The following ENC1 variants were observed in gnomAD, a reference collection of about 807,000 sequenced individuals.
ENC1 encodes ectodermal-neural cortex 1.
A neutral mutation model predicts 40.9 loss-of-function variants in ENC1; 19 were observed. The ratio of observed to expected loss-of-function variants is 0.46; its 90% confidence interval spans 0.32 to 0.68. ENC1 has a LOEUF of 0.68. Ranked by LOEUF, ENC1 falls within the 30% of genes least tolerant of loss-of-function variation. The pLI, the probability that ENC1 is intolerant of heterozygous loss-of-function variation, is 0.03. For synonymous variants in ENC1, 285 were observed against 291.1 expected (o/e 0.98, Z 0.21); for missense variants, 479 against 737.5 (o/e 0.65, Z 4.06).
At chr5:74,632,782 C>T (rs972782655) in intron 2 of ENC1, among the ~76,000 whole-genome samples, 2 of 152,246 alleles carry the variant, frequency 1.3e-5, no homozygotes, top group East Asian at 1.9e-4. Context: ...ACCCAGGAGG[C>T]GGAGGTTGCA....
chr5:74,635,492 C>G lies in ENC1; in HGVS notation c.994G>C (p.Glu332Gln). 1 of 1,614,206 alleles carries G rather than the reference C, an allele frequency of 6.2e-7. No individual in the cohort carries two copies. Among genetic ancestry groups the G allele is most frequent in the Non-Finnish European group, 8.5e-7 (1 of 1,180,038 alleles). ...CAGCCAATCGCACATGCACTAAACTCTTTTCTTGGGCTGGGAATGTCAGCC... is the reference window on the plus strand; with the variant it reads ...CAGCCAATCGCACATGCACTAAACTGTTTTCTTGGGCTGGGAATGTCAGCC... ...PKADIPSPRK[E>Q]FSACAIGCKV... The change falls in exon 2 of 3, where the codon GAG becomes CAG. Residue 332 changes from glutamate to glutamine, a missense_variant. Coordinates refer to ENST00000302351, the MANE Select transcript of ENC1 (RefSeq NM_003633.4). This position sits in a 1 kb window ranked among gnomAD's most constrained non-coding sequence, Gnocchi z 5.5.
At chr5:74,639,220 C>G (rs1561195251) in intron 1 of ENC1, among the ~76,000 whole-genome samples, 3 of 152,342 alleles carry the variant, frequency 2.0e-5, no homozygotes, top group African/African-American at 2.4e-5. Context: ...TGGTTTAAAA[C>G]TGTGCAAACC....
chr5:74,637,254 T>C (rs982644817), intron 1 of ENC1, among the ~76,000 whole-genome samples: 6 of 152,178 alleles, frequency 3.9e-5, no homozygotes, highest in African/African-American at 1.4e-4. Context: ...TAGCTGGCAC[T>C]AAAGGTGTGC....
Position 74,635,216 on chromosome 5 carries a change from A to G in ENC1, c.1270T>C (p.Trp424Arg). The G allele has an allele frequency of 6.2e-7, 1 of 1,614,138 alleles. No individual in the cohort carries two copies. Among genetic ancestry groups the G allele is most frequent in the Non-Finnish European group, 8.5e-7 (1 of 1,180,034 alleles). The stretch of plus-strand genomic sequence containing the variant: ...TCTCGGAGTGGGGCCACCATGGTCC[A>G]TTTGTTGATTGTGGGGTCATAATGT... ...VEHYDPTINK[W>R]TMVAPLREGV... The change falls in exon 2 of 3, where the codon TGG becomes CGG. Residue 424 changes from tryptophan (W) to arginine (R), a missense_variant. By Grantham distance (101) the Trp-to-Arg change is moderately radical. Transcript: ENST00000302351. The surrounding 1 kb of genome is among the most constrained non-coding windows in gnomAD (Gnocchi z 5.5).
intron 1 of ENC1, chr5:74,639,926 C>T (rs1747780398): frequency 6.6e-6 from 1 of 152,328 alleles, no homozygotes; most frequent in Admixed American, 6.5e-5. Flanking sequence ...GTGGGCCAAC[C>T]ATCCCGCGCG....
At chr5:74,638,488 C>A (rs966379802) in intron 1 of ENC1, among the ~76,000 whole-genome samples, 2 of 152,142 alleles carry the variant, frequency 1.3e-5, no homozygotes, top group Non-Finnish European at 1.5e-5. Flanking sequence ...CTTTACAAAG[C>A]ACCCAGTAAT....
At chr5:74,638,213 A>G (rs1323886869) in intron 1 of ENC1, among the ~76,000 whole-genome samples, 2 of 152,218 alleles carry the variant, frequency 1.3e-5, no homozygotes, top group Non-Finnish European at 2.9e-5. Flanking sequence ...TGCATATTCT[A>G]AGAATTATTA....
intron 2 of ENC1, among the ~76,000 whole-genome samples, chr5:74,633,337 C>T (rs909316334): frequency 1.3e-5 from 2 of 152,170 alleles, no homozygotes; most frequent in African/African-American, 4.8e-5. Flanking sequence ...CTATTATGTA[C>T]TCAGATATAT....
rs775376039 is a variant in ENC1 at position 74,636,494 on chromosome 5, C to T, written c.-9G>A. On this transcript the variant is annotated 5_prime_UTR_variant, in exon 2 of 3. Coordinates refer to ENST00000302351, the MANE Select transcript of ENC1 (RefSeq NM_003633.4). The surrounding 1 kb of genome is among the most constrained non-coding windows in gnomAD (Gnocchi z 4.8). ...TGCACACTGACTGACATTTTGTTTCCACTCCTAAAAATAATAATAATAATA... is the reference window on the plus strand; with the variant it reads ...TGCACACTGACTGACATTTTGTTTCTACTCCTAAAAATAATAATAATAATA... 6 of 1,527,066 alleles carry T rather than the reference C, an allele frequency of 3.9e-6. No individual in the cohort carries two copies. The South Asian group carries it at 4.6e-5, about 12-fold the overall frequency. The allele number at this position is 1,527,066 out of a possible 1,614,324, so 94.6% of individuals were successfully genotyped here.
At chr5:74,639,529 C>G (rs3776478) in intron 1 of ENC1, among the ~76,000 whole-genome samples, 1 of 152,144 alleles carries the variant, frequency 6.6e-6, no homozygotes, top group Non-Finnish European at 1.5e-5. Context: ...GGTTTTGAAC[C>G]TGATCTCAAT....
At chr5:74,634,399 G>A (rs761667632) in intron 2 of ENC1, among the ~76,000 whole-genome samples, 5 of 151,990 alleles carry the variant, frequency 3.3e-5, no homozygotes, top group South Asian at 2.1e-4. Flanking sequence ...GTGACAGAGC[G>A]AGACTCTGTC....
Position 74,628,164 on chromosome 5 carries a change from A to G in ENC1, c.*1861T>C, listed in dbSNP as rs536709495. The G allele has an allele frequency of 1.3e-5, 2 of 152,658 alleles. No individual in the cohort carries two copies. Among genetic ancestry groups the G allele is most frequent in the Non-Finnish European group, 2.9e-5 (2 of 68,056 alleles). 9.5% of individuals were successfully genotyped at this position (152,658 alleles called of 1,614,324 possible). ...AACCAGGGACTGACTGCTGGAAAGT[A>G]CTGTGATTCTTTTCTTCCAACAGCT... On this transcript the variant is annotated 3_prime_UTR_variant, in exon 3 of 3. Coordinates refer to ENST00000302351, the MANE Select transcript of ENC1 (RefSeq NM_003633.4).
Position 74,637,536 on chromosome 5 carries a change from TA to T in ENC1, c.-13-1039del, listed in dbSNP as rs949600801. The T allele has an allele frequency of 3.2e-4, 48 of 152,210 alleles. 1 individual carries two copies. Among genetic ancestry groups the T allele is most frequent in the Admixed American group, 1.0e-3 (16 of 15,282 alleles). 9.4% of individuals were successfully genotyped at this position (152,210 alleles called of 1,614,324 possible). On this transcript the variant is annotated intron_variant, in intron 1 of 2. Transcript: ENST00000302351. ...GCTTCCAATGTGAGGATTTGGCACATAAAAAGAAGAATATTTTGAGTAGCAT... is the reference window on the plus strand; with the variant it reads ...GCTTCCAATGTGAGGATTTGGCACATAAAAGAAGAATATTTTGAGTAGCAT...
rs980966515 is a variant in ENC1, at chr5:74,627,586, A to G, written c.*2439T>C. On this transcript the variant is annotated 3_prime_UTR_variant, in exon 3 of 3. Coordinates refer to ENST00000302351, the MANE Select transcript of ENC1 (RefSeq NM_003633.4). ...GTGAACCACATGGTCAATAGCCAAG[A>G]GAGGGACATTATGCAGCTCTAATCA... The G allele has an allele frequency of 1.3e-5, 2 of 152,652 alleles. No homozygotes were observed. Among genetic ancestry groups the G allele is most frequent in the African/African-American group, 4.8e-5 (2 of 41,460 alleles). The allele number at this position is 152,652 out of a possible 1,614,324, so 9.5% of individuals were successfully genotyped here. A position where few individuals can be genotyped will look rare whatever the true frequency, so the allele number is the denominator to read the frequency against.
In ENC1 at chr5:74,634,944, C is replaced by T. The variant is rs139465896; in HGVS notation, c.1542G>A (p.Glu514=). Reference sequence around the variant, plus strand: ...CTCCCACCTTGGTCCACTGGTAAGTCTCACTGTTGAATTTATAAGCAGAGC... The same window carrying T: ...CTCCCACCTTGGTCCACTGGTAAGTTTCACTGTTGAATTTATAAGCAGAGC... ...SACSAYKFNS[E]TYQWTKVGDV... The change falls in exon 2 of 3, where the codon GAG becomes GAA. Residue 514 remains glutamate, a synonymous_variant. Coordinates refer to ENST00000302351, the MANE Select transcript of ENC1 (RefSeq NM_003633.4). The T allele has an allele frequency of 3.0e-4, 483 of 1,614,144 alleles. No homozygotes were observed. The African/African-American group carries it at 4.8e-3, about 16-fold the overall frequency.
rs1747546379 is a variant in ENC1, at chr5:74,635,409, C to A, written c.1077G>T (p.Trp359Cys). The A allele has an allele frequency of 6.2e-7, 1 of 1,613,994 alleles. No individual in the cohort carries two copies. The highest frequency in any genetic ancestry group is 1.7e-5 in the Admixed American group (1 of 59,988). The change falls in exon 2 of 3, where the codon TGG (tryptophan) becomes TGT (cysteine). Residue 359 changes from tryptophan to cysteine, a missense_variant. Physicochemically the swap from Trp to Cys is radical, Grantham distance 215 (BLOSUM62 -2). Coordinates refer to ENST00000302351, the MANE Select transcript of ENC1 (RefSeq NM_003633.4). The surrounding 1 kb of genome is among the most constrained non-coding windows in gnomAD (Gnocchi z 5.5). ...GSENGVSKDVWVYDTLHEEWS... is the reference protein window; with the variant it reads ...GSENGVSKDVCVYDTLHEEWS... Reference sequence around the variant, plus strand: ...ACTCCTCGTGCAGGGTATCATAAACCCAGACATCTTTTGAGACCCCATTTT... The same window carrying A: ...ACTCCTCGTGCAGGGTATCATAAACACAGACATCTTTTGAGACCCCATTTT...
rs536268862 is a variant in ENC1 at position 74,632,106 on chromosome 5, C to T, written c.*33-2114G>A. 28 of 152,326 alleles carry T rather than the reference C, an allele frequency of 1.8e-4. No homozygotes were observed. The East Asian group carries it at 5.2e-3, about 28-fold the overall frequency. 9.4% of individuals were successfully genotyped at this position (152,326 alleles called of 1,614,324 possible). ...GGGCCAGAATACACATGTGGCTTCT[C>T]TCCTCTTTCTGCCTCAATTTCCTTA... is the stretch of plus-strand genomic sequence containing the variant. On this transcript the variant is annotated intron_variant, in intron 2 of 2. Coordinates refer to ENST00000302351, the MANE Select transcript of ENC1 (RefSeq NM_003633.4).
At position 74,627,884 on chromosome 5, in the gene ENC1, G is replaced by A. The variant is rs1747254747; in HGVS notation, c.*2141C>T. On this transcript the variant is annotated 3_prime_UTR_variant, in exon 3 of 3. Coordinates refer to ENST00000302351, the MANE Select transcript of ENC1 (RefSeq NM_003633.4). ...TGGGAGTCCAGAAAGTTCCCTACAG[G>A]CTGGGGGCCCAACCCTTACCACAGC... 1 of 152,640 alleles carries A rather than the reference G, an allele frequency of 6.6e-6. No individual in the cohort carries two copies. The highest frequency in any genetic ancestry group is 2.1e-4 in the South Asian group (1 of 4,830). The allele number at this position is 152,640 out of a possible 1,614,324, so 9.5% of individuals were successfully genotyped here.
At chr5:74,630,374 G>T (rs763351181) in intron 2 of ENC1, among the ~76,000 whole-genome samples, 64 of 152,104 alleles carry the variant, frequency 4.2e-4, no homozygotes, top group Non-Finnish European at 7.3e-4. Context: ...TTCTTTCTGT[G>T]GTTAAACAGA....
Sources: gnomAD v4.1 joint callset for allele counts (sites outside exome capture counted in the v4.1 genomes callset) on GRCh38, gnomAD v4.1.1 for gene constraint, Gnocchi (gnomAD v3.1) non-coding constraint, MANE v1.5 for transcripts, NCBI Gene and HGNC (gene_info 2026-07-23, HGNC 2026-07-21) for gene names.